Variants in DNAH14 observed in about 807,000 individuals in gnomAD.
The protein encoded by DNAH14 is axonemal beta dynein heavy chain 14.
In DNAH14, 478 loss-of-function variants were observed where a neutral mutation model predicts 520.9. The ratio of observed to expected loss-of-function variants is 0.92; its 90% CI spans 0.85 to 0.99. The LOEUF (loss-of-function observed/expected upper bound fraction) is 0.99. DNAH14 is among the 50% of genes least tolerant of loss of function. The pLI, the probability that DNAH14 is intolerant of heterozygous loss-of-function variation, is 0.00. For missense variants in DNAH14, 4,831 were observed against 5,234.5 expected (o/e 0.92, Z 2.38); for synonymous variants, 1,581 against 1,757.2 (o/e 0.90, Z 2.51).
Position 225,392,332 on chromosome 1 carries a change from GGAA to G in DNAH14, c.13373_13375del (p.Gly4458_Ile4459delinsVal). ...GCTTCAAGACTATGGGAGGTCCCGA[GGAA>G]TCGCTGTGGATGCCCTCACCTTCAC... On this transcript the variant is annotated inframe_deletion, in exon 84 of 86. Transcript: ENST00000682510. 1 of 1,552,374 alleles carries G rather than the reference GGAA, an allele frequency of 6.4e-7. No individual in the cohort carries two copies.
At chr1:225,189,413 T>TC (rs2085132852) in intron 37 of DNAH14, among the ~76,000 whole-genome samples, 1 of 137,608 alleles carries the variant, frequency 7.3e-6, no homozygotes. Flanking sequence ...TTCTTTCTTT[T>TC]CTTTTTTTTT....
At chr1:225,349,741 A>G (rs1296473215) in intron 71 of DNAH14, among the ~76,000 whole-genome samples, 5 of 152,232 alleles carry the variant, frequency 3.3e-5, no homozygotes, top group Admixed American at 6.5e-5. Flanking sequence ...CAATTCACCA[A>G]GAAGATATGT....
chr1:224,972,664 G>A (rs542233831), intron 7 of DNAH14, among the ~76,000 whole-genome samples: 2 of 152,020 alleles, frequency 1.3e-5, no homozygotes, highest in South Asian at 2.1e-4. Context: ...ACAGGGTTTC[G>A]CTGTGTTAGC....
intron 13 of DNAH14, among the ~76,000 whole-genome samples, chr1:225,043,517 C>T (rs959137840): frequency 1.3e-5 from 2 of 152,070 alleles, no homozygotes; most frequent in African/African-American, 4.8e-5. Flanking sequence ...GAAGCAGAGC[C>T]GAGGGCCCCG....
At chr1:225,304,337 G>T (rs1341275811) in intron 57 of DNAH14, among the ~76,000 whole-genome samples, 1 of 152,000 alleles carries the variant, frequency 6.6e-6, no homozygotes, top group Non-Finnish European at 1.5e-5. Context: ...CAGGAGGATT[G>T]CTTGAGGCCA....
chr1:225,331,629 C>A (rs2094800719), intron 65 of DNAH14, 52 bp downstream of exon 65: 1 of 1,548,182 alleles, frequency 6.5e-7, no homozygotes, highest in Non-Finnish European at 8.7e-7. Context: ...CTGGGCCCAA[C>A]AACCCCCAAG....
intron 11 of DNAH14, among the ~76,000 whole-genome samples, chr1:225,025,461 G>C (rs1046194749): frequency 1.3e-5 from 2 of 151,598 alleles, no homozygotes; most frequent in Non-Finnish European, 2.9e-5. Flanking sequence ...GCTGGGCATG[G>C]TGGTTCACAC....
chr1:225,031,043 T>A (rs2066486048), intron 11 of DNAH14, among the ~76,000 whole-genome samples: 1 of 152,034 alleles, frequency 6.6e-6, no homozygotes, highest in Non-Finnish European at 1.5e-5. Flanking sequence ...AGATCTTCTT[T>A]GATTTATCTC....
At chr1:225,251,015 G>A (rs1190947315) in intron 43 of DNAH14, among the ~76,000 whole-genome samples, 1 of 151,958 alleles carries the variant, frequency 6.6e-6, no homozygotes, top group African/African-American at 2.4e-5. Context: ...CCCAGTCTAT[G>A]GTATTTTGTT....
At chr1:225,228,752 C>A (rs1481088475) in intron 41 of DNAH14, among the ~76,000 whole-genome samples, 1 of 152,132 alleles carries the variant, frequency 6.6e-6, no homozygotes, top group Non-Finnish European at 1.5e-5. Context: ...TGCGTCTGTA[C>A]TCTTCAATCA....
At chr1:225,272,843 G>T in intron 51 of DNAH14, 112 bp from the exon 52 acceptor site, 2 of 1,033,194 alleles carry the variant, frequency 1.9e-6, no homozygotes, top group Non-Finnish European at 2.7e-6. Flanking sequence ...TTCTTACCTT[G>T]GATAATTGCT....
chr1:225,007,868 G>A (rs80280426), intron 10 of DNAH14, among the ~76,000 whole-genome samples: 6,339 of 151,566 alleles, frequency 0.042, 389 homozygotes, highest in African/African-American at 0.13. Flanking sequence ...TAGAAGGCCT[G>A]ATAAAACAAG....
chr1:225,251,766 C>T (rs1407403298), intron 43 of DNAH14, among the ~76,000 whole-genome samples: 1 of 152,026 alleles, frequency 6.6e-6, no homozygotes, highest in African/African-American at 2.4e-5. Context: ...AAAAAATTTG[C>T]ACACACACTT....
intron 39 of DNAH14, among the ~76,000 whole-genome samples, chr1:225,204,481 T>G (rs1433109673): frequency 6.6e-6 from 1 of 152,170 alleles, no homozygotes; most frequent in African/African-American, 2.4e-5. Context: ...TTACATTATA[T>G]AAGCACTATG....
At chr1:225,165,570 TTTGGTTGGTTGG>T (rs3043025) in intron 35 of DNAH14, among the ~76,000 whole-genome samples, 5 of 150,394 alleles carry the variant, frequency 3.3e-5, no homozygotes, top group Admixed American at 1.3e-4. Context: ...TACTTGTTTG[TTTGGTTGGTTGG>T]TTGGTTGGTT....
intron 35 of DNAH14, among the ~76,000 whole-genome samples, chr1:225,162,585 A>G (rs1375118168): frequency 6.6e-6 from 1 of 152,140 alleles, no homozygotes; most frequent in African/African-American, 2.4e-5. Flanking sequence ...TGTCATTGGT[A>G]TTTTGATAGG....
At chr1:225,385,285 A>G (rs1314988807) in intron 81 of DNAH14, among the ~76,000 whole-genome samples, 1 of 152,368 alleles carries the variant, frequency 6.6e-6, no homozygotes, top group East Asian at 1.9e-4. Context: ...CTGAATGGGC[A>G]AAAACTGGAA....
rs1464417214 is a variant in DNAH14, at chr1:225,277,441, C to CT, written c.8210_8211insT (p.Ile2738HisfsTer41). The stretch of plus-strand genomic sequence containing the variant: ...CATTCCATGGTGTTCTTCAAGGAAG[C>CT]CATAGAACACATCATAAGAGCAACA... On this transcript the variant is annotated frameshift_variant, in exon 54 of 86. Coordinates refer to ENST00000682510, the MANE Select transcript of DNAH14 (RefSeq NM_001367479.1). LOFTEE classifies it high-confidence loss of function. 2.1e-6 allele frequency: 1 copy of CT among 470,670 alleles called. No homozygotes were observed. 29.2% of individuals were successfully genotyped at this position (470,670 alleles called of 1,614,324 possible).
chr1:225,382,511 G>A (rs1445234048), intron 81 of DNAH14, among the ~76,000 whole-genome samples: 3 of 152,036 alleles, frequency 2.0e-5, no homozygotes, highest in Admixed American at 6.6e-5. Flanking sequence ...TTTGAGACCA[G>A]CCTGGCAAAC....
Sources: allele counts gnomAD v4.1 joint callset (sites outside exome capture counted in the v4.1 genomes callset), GRCh38; gene constraint gnomAD v4.1.1; transcripts MANE v1.5; gene names NCBI Gene and HGNC (gene_info 2026-07-23, HGNC 2026-07-21).